Variants in CCDC40 observed in about 807,000 individuals in gnomAD.
The protein encoded by CCDC40 is coiled-coil domain-containing protein 40.
In CCDC40, 104 loss-of-function variants were observed where a neutral mutation model predicts 124.5. The observed-to-expected ratio is 0.84, with a 90% confidence interval of 0.71 to 0.98. CCDC40 has a LOEUF of 0.98. Among genes scored for constraint, CCDC40 ranks in the 50% least tolerant of loss-of-function variants. The pLI is 0.00. For missense variants in CCDC40, 1,463 were observed against 1,503.9 expected, an observed-to-expected ratio of 0.97 and a Z score of 0.45; for synonymous variants, 580 against 602.9, an observed-to-expected ratio of 0.96 and a Z score of 0.56.
At chr17:80,076,163 C>T (rs2038305625) in intron 10 of CCDC40, among the ~76,000 whole-genome samples, 1 of 152,190 alleles carries the variant, frequency 6.6e-6, no homozygotes. Context: ...GCAAGAAGGT[C>T]TTGCGTGGGT....
chr17:80,043,296 G>C (rs2037327655), intron 3 of CCDC40, among the ~76,000 whole-genome samples: 1 of 152,134 alleles, frequency 6.6e-6, no homozygotes, highest in South Asian at 2.1e-4. Flanking sequence ...CAGGAGCCCT[G>C]TTTCTGTTAG....
rs556910579 is a variant in CCDC40 at position 80,098,006 on chromosome 17, G to T, written c.3180+603G>T. Reference sequence around the variant, plus strand: ...AAATGCTTTGAAGGAAGATAAACCAGAGAAAGAAGCGTCAGGGTCATTGGG... The same window carrying T: ...AAATGCTTTGAAGGAAGATAAACCATAGAAAGAAGCGTCAGGGTCATTGGG... On this transcript the variant is annotated intron_variant, in intron 19 of 19. Transcript: ENST00000397545. The T allele has an allele frequency of 7.7e-4, 127 of 164,560 alleles. 3 individuals are homozygous for T. In the South Asian group the frequency reaches 0.02, roughly 25 times the overall value. The allele number at this position is 164,560 out of a possible 1,614,324, so 10.2% of individuals were successfully genotyped here.
chr17:80,049,944 C>A lies in CCDC40; in HGVS notation c.894C>A (p.Tyr298Ter), dbSNP rs1379914020. ...MVRFQAALKN[Y>*]LNRQIEKLKL... is the part of the protein sequence containing the mutation. Reference sequence around the variant, plus strand: ...GATTCCAGGCTGCCCTGAAGAACTACCTGAACCGACAGATCGAAAAGTTGA... The same window carrying A: ...GATTCCAGGCTGCCCTGAAGAACTAACTGAACCGACAGATCGAAAAGTTGA... Residue 298 changes from tyrosine (Y) to a stop codon, truncating the protein, a stop_gained, in exon 6 of 20, where the codon TAC becomes TAA. Transcript: ENST00000397545. LOFTEE classifies it high-confidence loss of function. The A allele has an allele frequency of 1.9e-6, 3 of 1,614,032 alleles. No individual in the cohort carries two copies. Among genetic ancestry groups the A allele is most frequent in the Non-Finnish European group, 2.5e-6 (3 of 1,180,030 alleles).
At position 80,062,461 on chromosome 17, in the gene CCDC40, C is replaced by G. The variant is rs536175697; in HGVS notation, c.1441-3024C>G. On this transcript the variant is annotated intron_variant, in intron 9 of 19. Transcript: ENST00000397545. ...TAATGCTATCTCTCCCCCCTCCCCC[C>G]ACCCCACAACAGGCCCCGTTGTGTG... is the stretch of plus-strand genomic sequence containing the variant. Among the ~76,000 whole-genome samples the G allele has an allele frequency of 2.9e-5, 4 of 139,470 alleles. No individual in the cohort carries two copies. In the East Asian group the frequency reaches 7.2e-4, roughly 25 times the overall value. The allele number at this position is 139,470 out of a possible 152,430, so 91.5% of individuals were successfully genotyped here.
rs1272889788 is a variant in CCDC40 at position 80,049,984 on chromosome 17, G to A, written c.934G>A (p.Glu312Lys). The stretch of plus-strand genomic sequence containing the variant: ...CGAAAAGTTGAAGCTGGACCTCCAA[G>A]AGCTGGTGTGTATCCGTCCAGTCTC... ...QIEKLKLDLQ[E>K]LVVATKQSRA... Residue 312 changes from glutamate to lysine, a missense_variant, in exon 6 of 20, where the codon GAG (glutamate) becomes AAG (lysine). Glu to Lys is a moderately conservative substitution (Grantham distance 56, BLOSUM62 1). Transcript: ENST00000397545. The A allele has an allele frequency of 3.1e-6, 5 of 1,613,954 alleles. No homozygotes were observed. In the Admixed American group the frequency reaches 5.0e-5, roughly 16 times the overall value.
rs184277169 is a variant in CCDC40, at chr17:80,056,607, C to T, written c.1160-1887C>T. ...CCAGCCTGGGTGACAAAGTGACACC[C>T]TGTCTCAGAAAACAACAAGAACAAC... is the stretch of plus-strand genomic sequence containing the variant. On this transcript the variant is annotated intron_variant, in intron 7 of 19. Transcript: ENST00000397545. Among the ~76,000 whole-genome samples the T allele has an allele frequency of 1.8e-4, 27 of 152,204 alleles. No individual in the cohort carries two copies. The East Asian group carries it at 4.3e-3, about 24-fold the overall frequency.
intron 10 of CCDC40, among the ~76,000 whole-genome samples, chr17:80,080,436 A>G (rs570086770): frequency 7.4e-4 from 113 of 152,300 alleles, no homozygotes; most frequent in African/African-American, 2.7e-3. Context: ...TGATTATCCG[A>G]TATCTGTGTT....
intron 10 of CCDC40, chr17:80,067,409 C>T: frequency 3.2e-6 from 2 of 628,588 alleles, no homozygotes; most frequent in Non-Finnish European, 5.7e-6. Context: ...TGCAAGAAAG[C>T]ATATGCGTTC....
chr17:80,090,336 TGCACGAACAA>T lies in CCDC40; in HGVS notation c.2832+454_2832+463del, dbSNP rs1567813864. The T allele has an allele frequency of 2.6e-5, 17 of 651,218 alleles. 2 individuals carry two copies. The highest frequency in any genetic ancestry group is 7.7e-5 in the South Asian group (3 of 38,782). The allele number at this position is 651,218 out of a possible 1,614,324, so 40.3% of individuals were successfully genotyped here. A position where few individuals can be genotyped will look rare whatever the true frequency, so the allele number is the denominator to read the frequency against. Reference sequence around the variant, plus strand: ...ACAACACGGGACGCGCGCAGGCACGTGCACGAACAAGGGACGCGCGCAGGCACGTGCACGA... The same window carrying T: ...ACAACACGGGACGCGCGCAGGCACGTGGGACGCGCGCAGGCACGTGCACGA... On this transcript the variant is annotated intron_variant, in intron 17 of 19. Coordinates refer to ENST00000397545, the MANE Select transcript of CCDC40 (RefSeq NM_017950.4).
intron 10 of CCDC40, among the ~76,000 whole-genome samples, chr17:80,078,706 A>G (rs773958283): frequency 1.1e-4 from 16 of 152,182 alleles, no homozygotes; most frequent in Non-Finnish European, 1.5e-4. Context: ...GAAATCAGAT[A>G]GTCTGAGTCT....
At chr17:80,062,746 A>T (rs2037937338) in intron 9 of CCDC40, among the ~76,000 whole-genome samples, 1 of 151,950 alleles carries the variant, frequency 6.6e-6, no homozygotes, top group Admixed American at 6.6e-5. Context: ...CACCGTGCTA[A>T]TTTTTTTATT....
At chr17:80,055,996 A>ATTTT (rs1568682519) in intron 7 of CCDC40, among the ~76,000 whole-genome samples, 2 of 5,668 alleles carry the variant, frequency 3.5e-4, no homozygotes. Context: ...ATATATATAT[A>ATTTT]TATATATATA....
chr17:80,082,994 G>T (rs2038494887), intron 12 of CCDC40, among the ~76,000 whole-genome samples: 1 of 152,198 alleles, frequency 6.6e-6, no homozygotes, highest in Admixed American at 6.5e-5. Flanking sequence ...AGGCATATCT[G>T]GGAGGAGGAG....
At chr17:80,060,345 C>A (rs1215528098) in intron 9 of CCDC40, among the ~76,000 whole-genome samples, 1 of 151,740 alleles carries the variant, frequency 6.6e-6, no homozygotes, top group Non-Finnish European at 1.5e-5. Flanking sequence ...AAGTTCAAGA[C>A]CAGACTGGGC....
At chr17:80,053,930 CG>C (rs2037671971) in intron 7 of CCDC40, among the ~76,000 whole-genome samples, 1 of 152,176 alleles carries the variant, frequency 6.6e-6, no homozygotes, top group African/African-American at 2.4e-5. Context: ...TTAACAACAA[CG>C]GGAAGTCCAC....
Position 80,097,289 on chromosome 17 carries a change from A to G in CCDC40, c.3066A>G (p.Thr1022=), listed in dbSNP as rs534912798. Residue 1022 remains threonine, a synonymous_variant, in exon 19 of 20, where the codon ACA becomes ACG. Transcript: ENST00000397545. Reference sequence around the variant, plus strand: ...AAACCGTCCTGGAACTGGAAGAAACACAAAGAAATGTGAGCAGCTCCCTCC... The same window carrying G: ...AAACCGTCCTGGAACTGGAAGAAACGCAAAGAAATGTGAGCAGCTCCCTCC... ...CTKTVLELEE[T]QRNVSSSLLE... 931 of 1,613,984 alleles carry G rather than the reference A, an allele frequency of 5.8e-4. 17 individuals carry two copies. The South Asian group carries it at 9.1e-3, about 16-fold the overall frequency.
chr17:80,042,866 T>G (rs570359612), intron 3 of CCDC40, among the ~76,000 whole-genome samples: 8,842 of 151,890 alleles, frequency 0.058, 803 homozygotes, highest in African/African-American at 0.2. Context: ...TGGGTTGTTT[T>G]TTTTTTTTTA....
intron 3 of CCDC40, among the ~76,000 whole-genome samples, chr17:80,043,338 G>A (rs1196605936): frequency 1.3e-5 from 2 of 152,292 alleles, no homozygotes; most frequent in Non-Finnish European, 2.9e-5. Flanking sequence ...TATCACTTGG[G>A]TGCTGGGGTC....
intron 10 of CCDC40, among the ~76,000 whole-genome samples, chr17:80,068,996 G>T (rs1357226446): frequency 1.3e-5 from 2 of 152,186 alleles, no homozygotes; most frequent in Non-Finnish European, 2.9e-5. Flanking sequence ...TGGCCTGTCC[G>T]TCCACATGGG....
Sources: allele counts gnomAD v4.1 joint callset (sites outside exome capture counted in the v4.1 genomes callset), GRCh38; gene constraint gnomAD v4.1.1; transcripts MANE v1.5; gene names NCBI Gene and HGNC (gene_info 2026-07-23, HGNC 2026-07-21).